TMED10: variants seen among roughly 807,000 people sequenced by gnomAD.
TMED10 encodes transmembrane emp24 domain-containing protein 10.
In TMED10, 7 loss-of-function variants were observed where a neutral mutation model predicts 23.1. That is an observed-to-expected ratio of 0.30 (90% CI 0.17 to 0.57). TMED10 has a LOEUF of 0.57. TMED10 is among the 20% of genes least tolerant of loss of function. The pLI is 0.91. For synonymous variants in TMED10, 113 were observed against 106.9 expected, an observed-to-expected ratio of 1.06 and a Z score of -0.35; for missense variants, 162 against 274.8, an observed-to-expected ratio of 0.59 and a Z score of 2.90.
At chr14:75,162,069 A>C (rs1333610562) in intron 1 of TMED10, among the ~76,000 whole-genome samples, 1 of 152,168 alleles carries the variant, frequency 6.6e-6, no homozygotes, top group Non-Finnish European at 1.5e-5. Flanking sequence ...GTTCAAGACC[A>C]GCCTGGCCAA....
Position 75,147,669 on chromosome 14 carries a change from C to T in TMED10, c.406G>A (p.Glu136Lys), listed in dbSNP as rs150550970. ...GCTGTTAGAGCAGGACATACCTCTT[C>T]GTAATTTTTCGCCTCCACTCCATGC... ...MKHGVEAKNY[E>K]EIAKVEKLKP... is the part of the protein sequence containing the mutation. The change falls in exon 3 of 5, where the codon GAA becomes AAA. Residue 136 changes from glutamate (E) to lysine (K), a missense_variant. This residue lies in a region of TMED10 where 126 missense variants were observed against 239.5 expected (regional missense o/e 0.53). Coordinates refer to ENST00000303575, the MANE Select transcript of TMED10 (RefSeq NM_006827.6). 5.6e-6 allele frequency: 9 copies of T among 1,614,136 alleles called. No individual in the cohort carries two copies. The highest frequency in any genetic ancestry group is 2.2e-5 in the East Asian group (1 of 44,886).
chr14:75,174,883 T>C (rs1219420211), intron 1 of TMED10, among the ~76,000 whole-genome samples: 2 of 151,480 alleles, frequency 1.3e-5, no homozygotes, highest in South Asian at 2.1e-4. Flanking sequence ...TCTACTAAAA[T>C]ACAAAAATTA....
chr14:75,168,561 A>G (rs143804345), intron 1 of TMED10, among the ~76,000 whole-genome samples: 174 of 152,244 alleles, frequency 1.1e-3, no homozygotes, highest in African/African-American at 3.8e-3. Flanking sequence ...CACCCATCTC[A>G]ATCAGTCCTT....
chr14:75,150,524 C>T (rs1423142334), intron 2 of TMED10, among the ~76,000 whole-genome samples: 1 of 152,248 alleles, frequency 6.6e-6, no homozygotes, highest in East Asian at 1.9e-4. Context: ...AAGGTGGTCC[C>T]ATAAGATTAT....
intron 1 of TMED10, among the ~76,000 whole-genome samples, chr14:75,163,552 C>CA (rs758185921): frequency 0.031 from 1,882 of 60,730 alleles, 69 homozygotes; most frequent in Non-Finnish European, 0.037. Flanking sequence ...GACTCCGTAT[C>CA]AAAAAAAAAA....
chr14:75,148,975 C>T (rs1044399198), intron 2 of TMED10, among the ~76,000 whole-genome samples: 13 of 152,328 alleles, frequency 8.5e-5, no homozygotes, highest in Admixed American at 2.6e-4. Flanking sequence ...TGCAGTGGCA[C>T]GCACCATCAT....
At chr14:75,167,131 A>G (rs1467105108) in intron 1 of TMED10, among the ~76,000 whole-genome samples, 2 of 151,908 alleles carry the variant, frequency 1.3e-5, no homozygotes, top group African/African-American at 4.8e-5. Flanking sequence ...CAGTAGAGAC[A>G]GGGTTTCACC....
At chr14:75,171,016 T>TAGA (rs1427846817) in intron 1 of TMED10, among the ~76,000 whole-genome samples, 2 of 152,138 alleles carry the variant, frequency 1.3e-5, no homozygotes, top group African/African-American at 4.8e-5. Context: ...TCCTAATCCC[T>TAGA]AGAACCCACG....
intron 3 of TMED10, among the ~76,000 whole-genome samples, chr14:75,143,254 T>A (rs1895844758): frequency 6.6e-6 from 1 of 152,208 alleles, no homozygotes; most frequent in African/African-American, 2.4e-5. Flanking sequence ...AGGTACTGTT[T>A]GGAAAAGCTA....
At chr14:75,156,017 A>G (rs1896015639) in intron 1 of TMED10, among the ~76,000 whole-genome samples, 1 of 152,222 alleles carries the variant, frequency 6.6e-6, no homozygotes, top group South Asian at 2.1e-4. Flanking sequence ...TACTGGCCCA[A>G]TCATGTAGAA....
intron 1 of TMED10, chr14:75,175,958 C>G (rs1417526372): frequency 3.7e-6 from 1 of 270,546 alleles, no homozygotes; most frequent in African/African-American, 2.3e-5. Context: ...ACGGTTAGCT[C>G]TGTCTCCTTT....
intron 1 of TMED10, among the ~76,000 whole-genome samples, chr14:75,173,730 CTTTGT>C (rs983464718): frequency 5.3e-5 from 8 of 152,136 alleles, no homozygotes; most frequent in African/African-American, 1.4e-4. Flanking sequence ...TTTTGTTTTG[CTTTGT>C]TTTGTTTTGT....
chr14:75,169,216 T>C (rs1452344882), intron 1 of TMED10, among the ~76,000 whole-genome samples: 2 of 152,208 alleles, frequency 1.3e-5, no homozygotes, highest in Non-Finnish European at 2.9e-5. Context: ...CAGCTTATAG[T>C]TTATCCCAGG....
intron 3 of TMED10, chr14:75,139,060 A>T: frequency 2.4e-6 from 1 of 423,736 alleles, no homozygotes; most frequent in Non-Finnish European, 4.6e-6. Context: ...AGAGAATATA[A>T]ACCAAAAGTC....
intron 1 of TMED10, among the ~76,000 whole-genome samples, chr14:75,157,888 T>C (rs1382008779): frequency 6.6e-6 from 1 of 151,748 alleles, no homozygotes; most frequent in East Asian, 1.9e-4. Context: ...TGCAGTGAGC[T>C]GAGATCGCAC....
At chr14:75,154,854 G>A (rs1188770305) in intron 1 of TMED10, among the ~76,000 whole-genome samples, 2 of 151,542 alleles carry the variant, frequency 1.3e-5, no homozygotes, top group African/African-American at 2.4e-5. Flanking sequence ...TGGTAGAGAC[G>A]GGGTTTCACC....
intron 4 of TMED10, chr14:75,135,534 A>C: frequency 1.9e-6 from 1 of 518,296 alleles, no homozygotes; most frequent in East Asian, 3.5e-5. Context: ...ATGTGGGTAT[A>C]GACTAATTGA....
chr14:75,153,553 T>TA (rs1025790796), intron 1 of TMED10, among the ~76,000 whole-genome samples: 1 of 152,194 alleles, frequency 6.6e-6, no homozygotes. Context: ...GTAGAAAGCA[T>TA]ATTTCATCAC....
intron 1 of TMED10, among the ~76,000 whole-genome samples, chr14:75,154,488 GA>G (rs1186269829): frequency 2.8e-5 from 4 of 140,696 alleles, no homozygotes; most frequent in South Asian, 2.3e-4. Context: ...TTTTATTTTG[GA>G]AAAAATTGAT....
Sources: allele counts gnomAD v4.1 joint callset (sites outside exome capture counted in the v4.1 genomes callset), GRCh38; gene constraint gnomAD v4.1.1; regional missense constraint gnomAD v4.1.1; transcripts MANE v1.5; gene names NCBI Gene and HGNC (gene_info 2026-07-23, HGNC 2026-07-21).